The following PITPNA variants were observed in gnomAD, a reference collection of about 807,000 sequenced individuals.
The protein encoded by PITPNA is phosphatidylinositol transfer protein alpha isoform.
PITPNA carries 13 observed loss-of-function variants against 50.3 expected under a neutral mutation model. The observed-to-expected ratio is 0.26, with a 90% CI of 0.17 to 0.41. The LOEUF (loss-of-function observed/expected upper bound fraction) is 0.41. Ranked by LOEUF, PITPNA falls within the 10% of genes least tolerant of loss-of-function variation. The pLI is 1.00. For synonymous variants in PITPNA, 120 were observed against 119.6 expected, an observed-to-expected ratio of 1.00 and a Z score of -0.02; for missense variants, 207 against 333.4, an observed-to-expected ratio of 0.62 and a Z score of 2.95.
At chr17:1,525,236 C>T (rs2075540675) in intron 10 of PITPNA, among the ~76,000 whole-genome samples, 1 of 152,034 alleles carries the variant, frequency 6.6e-6, no homozygotes, top group African/African-American at 2.4e-5. Flanking sequence ...GATCCGCCCG[C>T]CTCAGCCTCC....
intron 4 of PITPNA, 51 bp downstream of exon 4, chr17:1,548,245 C>T: frequency 9.5e-6 from 12 of 1,268,832 alleles, no homozygotes; most frequent in Non-Finnish European, 1.2e-5. Context: ...GTGGGACCCA[C>T]AGCTCTGCTG....
At chr17:1,538,821 G>A (rs775492314) in intron 7 of PITPNA, 48 bp downstream of exon 7, 2 of 1,187,466 alleles carry the variant, frequency 1.7e-6, no homozygotes, top group South Asian at 1.3e-5. Flanking sequence ...GCATTGAGAA[G>A]TCATTTCTGC....
At chr17:1,545,262 G>C (rs140137931) in intron 4 of PITPNA, among the ~76,000 whole-genome samples, 1 of 152,158 alleles carries the variant, frequency 6.6e-6, no homozygotes, top group Admixed American at 6.5e-5. Context: ...TTTTCACTCC[G>C]CTCAGAGAAA....
intron 4 of PITPNA, among the ~76,000 whole-genome samples, chr17:1,544,811 G>A (rs1337045951): frequency 6.6e-6 from 1 of 152,168 alleles, no homozygotes; most frequent in East Asian, 1.9e-4. Flanking sequence ...GGTGGCGCAT[G>A]CCTGTAATCC....
intron 10 of PITPNA, among the ~76,000 whole-genome samples, chr17:1,527,338 G>C (rs974449128): frequency 5.9e-5 from 9 of 151,974 alleles, no homozygotes; most frequent in African/African-American, 2.2e-4. Context: ...CTGCCTCCTG[G>C]GTTCAAGTGA....
chr17:1,542,587 C>T (rs537092989), intron 5 of PITPNA, among the ~76,000 whole-genome samples: 31 of 152,152 alleles, frequency 2.0e-4, no homozygotes, highest in African/African-American at 6.7e-4. Context: ...GAATGGTGGG[C>T]GGGTGGGCAA....
At chr17:1,522,104 G>A (rs532823446) in intron 10 of PITPNA, among the ~76,000 whole-genome samples, 20 of 144,096 alleles carry the variant, frequency 1.4e-4, no homozygotes, top group African/African-American at 4.0e-4. Context: ...TCGCTCTGCC[G>A]CCCAGGCCGG....
chr17:1,527,115 C>T (rs1342638978), intron 10 of PITPNA, among the ~76,000 whole-genome samples: 1 of 152,078 alleles, frequency 6.6e-6, no homozygotes, highest in African/African-American at 2.4e-5. Flanking sequence ...CTGGGGCCTA[C>T]ACGACATGAG....
chr17:1,542,135 A>C (rs998175149), intron 5 of PITPNA, among the ~76,000 whole-genome samples: 1 of 151,904 alleles, frequency 6.6e-6, no homozygotes, highest in Non-Finnish European at 1.5e-5. Context: ...AGGAGGCAGA[A>C]GCTGCAGGGA....
chr17:1,558,016 A>G (rs2075745860), intron 2 of PITPNA, among the ~76,000 whole-genome samples: 1 of 152,124 alleles, frequency 6.6e-6, no homozygotes, highest in Admixed American at 6.5e-5. Context: ...GGATCACTTG[A>G]GGTCGGGAGT....
chr17:1,553,653 G>GA (rs2151013344), intron 2 of PITPNA, among the ~76,000 whole-genome samples: 1 of 152,266 alleles, frequency 6.6e-6, no homozygotes, highest in South Asian at 2.1e-4. Context: ...CTGGTATTAA[G>GA]ACCCCAGAAG....
At chr17:1,547,866 C>A (rs1021287638) in intron 4 of PITPNA, among the ~76,000 whole-genome samples, 1 of 151,726 alleles carries the variant, frequency 6.6e-6, no homozygotes, top group African/African-American at 2.4e-5. Flanking sequence ...TGGCGGTATG[C>A]GCCTGTAGTC....
chr17:1,538,201 T>C (rs1567580831), intron 7 of PITPNA, among the ~76,000 whole-genome samples: 1 of 152,202 alleles, frequency 6.6e-6, no homozygotes, highest in Non-Finnish European at 1.5e-5. Context: ...GAGAGTTACA[T>C]TCCTGTCTTT....
chr17:1,548,951 G>C (rs2075693189), intron 3 of PITPNA, among the ~76,000 whole-genome samples: 1 of 152,198 alleles, frequency 6.6e-6, no homozygotes, highest in African/African-American at 2.4e-5. Flanking sequence ...GCCCAGGCTG[G>C]AGTGCAGTGC....
rs1486890118 is a variant in PITPNA, at chr17:1,541,716, G to A, written c.298-76C>T. ...GTAACCATCTCCCATTACTGGAGAT[G>A]GGCATTACTGGATCATGGGCAGCTA... is the stretch of plus-strand genomic sequence containing the variant. On this transcript the variant is annotated intron_variant, in intron 5 of 11. Transcript: ENST00000313486. 2 of 906,112 alleles carry A rather than the reference G, an allele frequency of 2.2e-6. 1 individual carries two copies. Among genetic ancestry groups the A allele is most frequent in the South Asian group, 2.8e-5 (2 of 72,264 alleles). The allele number at this position is 906,112 out of a possible 1,614,324, so 56.1% of individuals were successfully genotyped here. A position where few individuals can be genotyped will look rare whatever the true frequency, so the allele number is the denominator to read the frequency against.
intron 10 of PITPNA, among the ~76,000 whole-genome samples, chr17:1,529,457 G>A (rs1013380825): frequency 6.6e-6 from 1 of 151,986 alleles, no homozygotes; most frequent in Non-Finnish European, 1.5e-5. Context: ...GGGAGGTGGA[G>A]GTTGCTGTGA....
intron 4 of PITPNA, among the ~76,000 whole-genome samples, chr17:1,543,880 G>A (rs895028716): frequency 6.6e-6 from 1 of 152,218 alleles, no homozygotes. Flanking sequence ...CTACACTGAA[G>A]TAACTGCCCT....
At chr17:1,540,284 C>T (rs1201146335) in intron 6 of PITPNA, among the ~76,000 whole-genome samples, 1 of 152,146 alleles carries the variant, frequency 6.6e-6, no homozygotes, top group African/African-American at 2.4e-5. Flanking sequence ...AAAATTATGA[C>T]ACAAATTCAA....
At position 1,541,583 on chromosome 17, in the gene PITPNA, G is replaced by T; in HGVS notation, c.355C>A (p.Leu119Ile). Residue 119 changes from leucine to isoleucine, a missense_variant, in exon 6 of 12, where the codon CTT (leucine) becomes ATT (isoleucine). Physicochemically the swap from Leu to Ile is conservative, Grantham distance 5. Coordinates refer to ENST00000313486, the MANE Select transcript of PITPNA (RefSeq NM_006224.4). ...CTACTCACATTCTCCTGCGTGCCAA[G>T]ATCTGGTTTGTGCCAGGTTTCAATT... The part of the protein sequence containing the change: ...IKIETWHKPD[L>I]GTQENVHKLE... 2 of 1,613,030 alleles carry T rather than the reference G, an allele frequency of 1.2e-6. No homozygotes were observed. The highest frequency in any genetic ancestry group is 1.7e-6 in the Non-Finnish European group (2 of 1,179,066).
Sources: allele counts gnomAD v4.1 joint callset (sites outside exome capture counted in the v4.1 genomes callset), GRCh38; gene constraint gnomAD v4.1.1; transcripts MANE v1.5; gene names NCBI Gene and HGNC (gene_info 2026-07-23, HGNC 2026-07-21).